RNF144A: variants seen among roughly 807,000 people sequenced by gnomAD.
RNF144A encodes the protein E3 ubiquitin-protein ligase RNF144A.
RNF144A carries 11 observed loss-of-function variants against 38.7 expected under a neutral mutation model. The observed-to-expected ratio is 0.28, with a 90% CI of 0.18 to 0.47. The LOEUF is 0.47. Among genes scored for constraint, RNF144A ranks in the 20% least tolerant of loss-of-function variants. The probability of loss-of-function intolerance (pLI) is 0.99; values close to 1 mark genes in which losing one functional copy is unlikely to be tolerated. For missense variants in RNF144A, 316 were observed against 377.2 expected (o/e 0.84, Z 1.34); for synonymous variants, 149 against 143.9 (o/e 1.04, Z -0.25).
chr2:7,050,043 G>C (rs1042883987), intron 6 of RNF144A, among the ~76,000 whole-genome samples: 1 of 152,200 alleles, frequency 6.6e-6, no homozygotes, highest in African/African-American at 2.4e-5. Flanking sequence ...GTTGGAAGCT[G>C]GTCATGACTT....
intron 3 of RNF144A, among the ~76,000 whole-genome samples, chr2:7,003,059 TAC>T (rs1007942125): frequency 7.3e-5 from 11 of 150,136 alleles, no homozygotes; most frequent in African/African-American, 2.8e-4. Context: ...AATACATATA[TAC>T]ACACACATGT....
intron 6 of RNF144A, among the ~76,000 whole-genome samples, chr2:7,064,082 T>G (rs1245511435): frequency 6.6e-6 from 1 of 152,136 alleles, no homozygotes; most frequent in Non-Finnish European, 1.5e-5. Flanking sequence ...ACCAGGCTTG[T>G]GATAACTAAC....
At chr2:6,952,920 A>AT (rs1368793396) in intron 2 of RNF144A, among the ~76,000 whole-genome samples, 1 of 152,044 alleles carries the variant, frequency 6.6e-6, no homozygotes, top group African/African-American at 2.4e-5. Flanking sequence ...TTGTGCATTT[A>AT]TTATGATTTT....
Position 7,042,253 on chromosome 2 carries a change from G to A in RNF144A, c.*2493G>A. 3.0e-6 allele frequency: 3 copies of A among 985,426 alleles called. No homozygotes were observed. The highest frequency in any genetic ancestry group is 3.6e-6 in the Non-Finnish European group (3 of 829,930). 61.0% of individuals were successfully genotyped at this position (985,426 alleles called of 1,614,324 possible). A position where few individuals can be genotyped will look rare whatever the true frequency, so the allele number is the denominator to read the frequency against. ...GTATGAACCCTGCTTGATGTAAAAT[G>A]GAAATAGCACACAGGCAGATGGCCC... On this transcript the variant is annotated 3_prime_UTR_variant, in exon 9 of 9. Transcript: ENST00000320892.
At chr2:7,018,064 A>G (rs1236366554) in intron 5 of RNF144A, among the ~76,000 whole-genome samples, 2 of 152,142 alleles carry the variant, frequency 1.3e-5, no homozygotes, top group Non-Finnish European at 2.9e-5. Flanking sequence ...TTGAGCCAGG[A>G]GGGTGGACAG....
At chr2:7,027,858 G>C (rs1038288535) in intron 7 of RNF144A, among the ~76,000 whole-genome samples, 4 of 152,222 alleles carry the variant, frequency 2.6e-5, no homozygotes, top group African/African-American at 9.6e-5. Context: ...CCATATTTGA[G>C]TGCTTTTATC....
chr2:7,064,547 G>C (rs1205549737), intron 6 of RNF144A, among the ~76,000 whole-genome samples: 3 of 152,142 alleles, frequency 2.0e-5, no homozygotes, highest in Non-Finnish European at 4.4e-5. Context: ...GGAAAGTTAA[G>C]GAGTTTCTGT....
chr2:6,990,073 A>G (rs935388664), intron 2 of RNF144A, among the ~76,000 whole-genome samples: 5 of 152,178 alleles, frequency 3.3e-5, no homozygotes, highest in African/African-American at 9.7e-5. Flanking sequence ...ATAATTTCCT[A>G]TGGTAGTCAG....
chr2:7,024,467 G>A lies in RNF144A; in HGVS notation c.608G>A (p.Cys203Tyr), dbSNP rs1350091376. 1 of 1,612,320 alleles carries A rather than the reference G, an allele frequency of 6.2e-7. No individual in the cohort carries two copies. The highest frequency in any genetic ancestry group is 1.7e-5 in the Admixed American group (1 of 60,022). ...GACGAAGGCTGCGCGCAGATGATGT[G>A]CAAGAACTGCAAGCACGCCTTCTGC... ...ERDEGCAQMM[C>Y]KNCKHAFCWY... The change falls in exon 7 of 9, where the codon TGC (cysteine) becomes TAC (tyrosine). Residue 203 changes from cysteine (C) to tyrosine (Y), a missense_variant. Coordinates refer to ENST00000320892, the MANE Select transcript of RNF144A (RefSeq NM_014746.6).
Position 6,994,652 on chromosome 2 carries a change from A to G in RNF144A, c.-11-2264A>G, listed in dbSNP as rs147471127. Among the ~76,000 whole-genome samples the G allele has an allele frequency of 3.1e-3, 479 of 152,192 alleles. 1 individual carries two copies. Among genetic ancestry groups the G allele is most frequent in the African/African-American group, 0.011 (460 of 41,532 alleles). On this transcript the variant is annotated intron_variant, in intron 2 of 8. Transcript: ENST00000320892. ...CCAATTATCTCACTCCTCAGGACCCACCAGCTTGAGGTCAAATCATGATGC... is the reference window on the plus strand; with the variant it reads ...CCAATTATCTCACTCCTCAGGACCCGCCAGCTTGAGGTCAAATCATGATGC...
At chr2:6,996,882 G>A (rs1412574641) in intron 2 of RNF144A, 34 bp from the exon 3 acceptor site, 1 of 1,600,726 alleles carries the variant, frequency 6.2e-7, no homozygotes, top group Admixed American at 1.7e-5. Flanking sequence ...CCAGGGGTGG[G>A]GAGGTCTGAC....
At chr2:6,938,217 G>GT (rs1473093018) in intron 1 of RNF144A, among the ~76,000 whole-genome samples, 5 of 144,148 alleles carry the variant, frequency 3.5e-5, no homozygotes, top group African/African-American at 1.3e-4. Flanking sequence ...GCATGTTTCT[G>GT]TTCCCCTCCC....
At chr2:6,989,187 G>C (rs191438916) in intron 2 of RNF144A, among the ~76,000 whole-genome samples, 1 of 152,314 alleles carries the variant, frequency 6.6e-6, no homozygotes, top group East Asian at 1.9e-4. Flanking sequence ...ACTAACCGGT[G>C]TGTGCACACA....
chr2:7,023,169 GGA>G (rs570864036), intron 6 of RNF144A, among the ~76,000 whole-genome samples: 5 of 152,148 alleles, frequency 3.3e-5, no homozygotes, highest in Non-Finnish European at 5.9e-5. Flanking sequence ...CTAATTAGGA[GGA>G]CATACTGCTT....
chr2:7,073,415 A>AC, the RNF144A span, among the ~76,000 whole-genome samples: 1 of 151,962 alleles, frequency 6.6e-6, no homozygotes, highest in East Asian at 1.9e-4. Context: ...AGGTCAGAAC[A>AC]TGTGATTCAT....
rs879531053 is a variant in RNF144A, at chr2:6,981,344, T to A, written c.-11-15572T>A. On this transcript the variant is annotated intron_variant, in intron 2 of 8. Coordinates refer to ENST00000320892, the MANE Select transcript of RNF144A (RefSeq NM_014746.6). ...AAACTTTTATCTCTGCTTTTTTTTT[T>A]AAAACATAAGTTTCAATTTCATATC... Among the ~76,000 whole-genome samples the A allele has an allele frequency of 6.6e-5, 10 of 152,296 alleles. No homozygotes were observed. The East Asian group carries it at 9.6e-4, about 15-fold the overall frequency.
In RNF144A at chr2:7,041,946, G is replaced by A. The variant is rs578115419; in HGVS notation, c.*2186G>A. The stretch of plus-strand genomic sequence containing the variant: ...CCAGTCATGCACATCTGTAGCCCCA[G>A]CCATCCTTGTGCCTTCACCTCTGAT... On this transcript the variant is annotated 3_prime_UTR_variant, in exon 9 of 9. Coordinates refer to ENST00000320892, the MANE Select transcript of RNF144A (RefSeq NM_014746.6). 4 of 985,374 alleles carry A rather than the reference G, an allele frequency of 4.1e-6. No individual in the cohort carries two copies. The highest frequency in any genetic ancestry group is 2.3e-4 in the East Asian group (2 of 8,814). 61.0% of individuals were successfully genotyped at this position (985,374 alleles called of 1,614,324 possible).
chr2:7,045,688 T>C (rs759295005), downstream of RNF144A, among the ~76,000 whole-genome samples: 8 of 152,184 alleles, frequency 5.3e-5, no homozygotes. Flanking sequence ...GCTTCAACAC[T>C]TTTTGTGGGA....
At chr2:6,926,746 G>C (rs1188396786) in intron 1 of RNF144A, among the ~76,000 whole-genome samples, 1 of 152,214 alleles carries the variant, frequency 6.6e-6, no homozygotes, top group Non-Finnish European at 1.5e-5. Flanking sequence ...TTTGAGTCCA[G>C]AAACAGCCAC....
Sources: allele counts gnomAD v4.1 joint callset (sites outside exome capture counted in the v4.1 genomes callset), GRCh38; gene constraint gnomAD v4.1.1; transcripts MANE v1.5; gene names NCBI Gene and HGNC (gene_info 2026-07-23, HGNC 2026-07-21).